Variants in KAZN observed in about 807,000 individuals in gnomAD.
KAZN encodes the protein kazrin, periplakin interacting protein.
KAZN carries 40 observed loss-of-function variants against 87.4 expected under a neutral mutation model. The ratio of observed to expected loss-of-function variants is 0.46; its 90% CI spans 0.36 to 0.60. KAZN has a LOEUF of 0.60. Ranked by LOEUF, KAZN falls within the 20% of genes least tolerant of loss-of-function variation. KAZN has a pLI of 0.00. For missense variants in KAZN, 898 were observed against 1,073.9 expected, an observed-to-expected ratio of 0.84 and a Z score of 2.29; for synonymous variants, 466 against 458.3, an observed-to-expected ratio of 1.02 and a Z score of -0.22.
intron 1 of KAZN, among the ~76,000 whole-genome samples, chr1:13,921,969 C>T (rs1270816147): frequency 6.6e-6 from 1 of 152,158 alleles, no homozygotes; most frequent in East Asian, 1.9e-4. Context: ...ATGATCAGGT[C>T]ATGAGTCATT....
At chr1:13,952,651 T>TA (rs909197667) in intron 1 of KAZN, among the ~76,000 whole-genome samples, 2 of 45,014 alleles carry the variant, frequency 4.4e-5, no homozygotes, top group African/African-American at 1.7e-4. Context: ...GGAACTGTTA[T>TA]AAACCCCCGA....
At chr1:14,285,180 T>C (rs1653145458) in intron 2 of KAZN, among the ~76,000 whole-genome samples, 2 of 152,320 alleles carry the variant, frequency 1.3e-5, no homozygotes, top group Admixed American at 6.5e-5. Context: ...GTCCCAAGTT[T>C]AGAGGATTGT....
chr1:14,912,131 A>G (rs1390533002), intron 1 of KAZN, among the ~76,000 whole-genome samples: 5 of 127,976 alleles, frequency 3.9e-5, no homozygotes, highest in Admixed American at 2.7e-4. Flanking sequence ...GGTAACAGAG[A>G]GAGACTCCAC....
intron 1 of KAZN, among the ~76,000 whole-genome samples, chr1:14,075,384 A>C (rs964854436): frequency 6.6e-6 from 1 of 152,110 alleles, no homozygotes; most frequent in African/African-American, 2.4e-5. Context: ...TCTCCTGTGG[A>C]TCACCTTTGT....
At chr1:13,971,413 T>A (rs1269705458) in intron 1 of KAZN, among the ~76,000 whole-genome samples, 1 of 151,894 alleles carries the variant, frequency 6.6e-6, no homozygotes, top group Non-Finnish European at 1.5e-5. Context: ...GAATTGGAGG[T>A]TCAATAATTG....
In KAZN at chr1:14,903,060, A is replaced by G. The variant is rs555916490; in HGVS notation, c.227-57624A>G. 4.6e-5 allele frequency among the ~76,000 whole-genome samples: 7 copies of G among 151,590 alleles called. No individual in the cohort carries two copies. In the East Asian group the frequency reaches 1.4e-3, roughly 30 times the overall value. ...ATTTTTGTATTTTTAGTAGAGATGG[A>G]GTTTCACCATGTTGGCCAGGCTGGT... is the stretch of plus-strand genomic sequence containing the variant. On this transcript the variant is annotated intron_variant, in intron 1 of 14. Transcript: ENST00000376030.
At chr1:14,910,150 A>C (rs1221515270) in intron 1 of KAZN, among the ~76,000 whole-genome samples, 2 of 152,142 alleles carry the variant, frequency 1.3e-5, no homozygotes, top group African/African-American at 4.8e-5. Flanking sequence ...AGGCTCTGGG[A>C]TATCTGTGGC....
intron 1 of KAZN, among the ~76,000 whole-genome samples, chr1:14,030,724 C>G (rs1425180882): frequency 6.6e-6 from 1 of 151,642 alleles, no homozygotes; most frequent in East Asian, 1.9e-4. Context: ...CCAGCTTGGA[C>G]AGATGGATGT....
At chr1:14,986,434 A>G (rs1350808067) in intron 2 of KAZN, among the ~76,000 whole-genome samples, 1 of 152,210 alleles carries the variant, frequency 6.6e-6, no homozygotes, top group East Asian at 1.9e-4. Flanking sequence ...ACTTGTGTAC[A>G]GTGATATTAC....
chr1:14,267,439 A>C (rs1039403064), intron 2 of KAZN, among the ~76,000 whole-genome samples: 4 of 151,996 alleles, frequency 2.6e-5, no homozygotes, highest in African/African-American at 4.8e-5. Context: ...CATTCAAAGC[A>C]ATCCCAGGCC....
chr1:14,195,181 G>A (rs1255211905), intron 2 of KAZN, among the ~76,000 whole-genome samples: 31 of 151,892 alleles, frequency 2.0e-4, no homozygotes. Context: ...TTCATTAATG[G>A]AGTGTTTCTA....
chr1:14,865,293 G>A (rs1455368936), intron 1 of KAZN, among the ~76,000 whole-genome samples: 1 of 152,232 alleles, frequency 6.6e-6, no homozygotes, highest in African/African-American at 2.4e-5. Flanking sequence ...TGGGACTGGA[G>A]TAGTTAATGA....
intron 1 of KAZN, among the ~76,000 whole-genome samples, chr1:14,792,397 A>G (rs928988298): frequency 6.6e-6 from 1 of 152,216 alleles, no homozygotes; most frequent in African/African-American, 2.4e-5. Flanking sequence ...TTTTTCAGCC[A>G]TACAAGAATG....
chr1:15,096,286 G>C lies in KAZN; in HGVS notation c.1547+1353G>C, dbSNP rs1219087584. Among the ~76,000 whole-genome samples the C allele has an allele frequency of 6.6e-6, 1 of 152,236 alleles. No homozygotes were observed. Among genetic ancestry groups the C allele is most frequent in the Non-Finnish European group, 1.5e-5 (1 of 68,046 alleles). On this transcript the variant is annotated intron_variant, in intron 10 of 14. Coordinates refer to ENST00000376030, the MANE Select transcript of KAZN (RefSeq NM_201628.3). This position sits in a 1 kb window ranked among gnomAD's most constrained non-coding sequence, Gnocchi z 4.5. ...TTCAGGAGTCTGGGCTACTGCCTGGGTTCCCCCTAAATGGGGATAAGCTTT... is the reference window on the plus strand; with the variant it reads ...TTCAGGAGTCTGGGCTACTGCCTGGCTTCCCCCTAAATGGGGATAAGCTTT...
Position 15,066,353 on chromosome 1 carries a change from G to GA in KAZN, c.1222+602dup. 1.0e-6 allele frequency: 1 copy of GA among 983,296 alleles called. No individual in the cohort carries two copies. The highest frequency in any genetic ancestry group is 1.2e-6 in the Non-Finnish European group (1 of 829,612). The allele number at this position is 983,296 out of a possible 1,614,324, so 60.9% of individuals were successfully genotyped here. A position where few individuals can be genotyped will look rare whatever the true frequency, so the allele number is the denominator to read the frequency against. On this transcript the variant is annotated intron_variant, in intron 8 of 14. Transcript: ENST00000376030. The surrounding 1 kb of genome is among the most constrained non-coding windows in gnomAD (Gnocchi z 4.3). Reference sequence around the variant, plus strand: ...GTCCCCCCTCCCGCCCCCCTGGTGTGAACGTGTGGGACCAGACCCTGTCCT... The same window carrying GA: ...GTCCCCCCTCCCGCCCCCCTGGTGTGAAACGTGTGGGACCAGACCCTGTCCT...
At chr1:14,750,774 G>A (rs1644393722) in intron 1 of KAZN, among the ~76,000 whole-genome samples, 1 of 152,188 alleles carries the variant, frequency 6.6e-6, no homozygotes. Flanking sequence ...CTGCTAGTCA[G>A]GCGGTAGGCA....
intron 2 of KAZN, among the ~76,000 whole-genome samples, chr1:14,386,687 TTAG>T (rs1371597671): frequency 6.6e-6 from 1 of 152,188 alleles, no homozygotes; most frequent in East Asian, 1.9e-4. Flanking sequence ...ATATCCGCTG[TTAG>T]TCTGATGGGC....
At chr1:14,511,881 A>G (rs1670925189) in intron 2 of KAZN, among the ~76,000 whole-genome samples, 1 of 152,206 alleles carries the variant, frequency 6.6e-6, no homozygotes. Context: ...CATTCAACAT[A>G]AATAAACGCA....
At position 13,963,903 on chromosome 1, in the gene KAZN, C is replaced by T. The variant is rs549167397; in HGVS notation, c.91+70147C>T. Among the ~76,000 whole-genome samples, 233 of 152,100 alleles carry T rather than the reference C, an allele frequency of 1.5e-3. 1 individual carries two copies. Among genetic ancestry groups the T allele is most frequent in the African/African-American group, 5.5e-3 (230 of 41,446 alleles). On this transcript the variant is annotated intron_variant, in intron 1 of 16. Coordinates refer to the KAZN transcript ENST00000636203. The stretch of plus-strand genomic sequence containing the variant: ...TAATCCTACTTCTGCCAATTGCCAG[C>T]TGTGCTATCTGGTTACTTAACCTCT...
Sources: allele counts gnomAD v4.1 joint callset (sites outside exome capture counted in the v4.1 genomes callset), GRCh38; gene constraint gnomAD v4.1.1; non-coding constraint Gnocchi (gnomAD v3.1); transcripts MANE v1.5; gene names NCBI Gene and HGNC (gene_info 2026-07-23, HGNC 2026-07-21).